Variants in PPIL2 observed in about 807,000 individuals in gnomAD.
PPIL2 encodes peptidylprolyl isomerase like 2.
A neutral mutation model predicts 75.2 loss-of-function variants in PPIL2; 50 were observed. That is an observed-to-expected ratio of 0.66 (90% CI 0.53 to 0.84). The LOEUF is 0.84. PPIL2 is among the 40% of genes least tolerant of loss of function. The probability of loss-of-function intolerance (pLI) is 0.00; values close to 1 mark genes in which losing one functional copy is unlikely to be tolerated. For missense variants in PPIL2, 590 were observed against 685.0 expected (o/e 0.86, Z 1.55); for synonymous variants, 245 against 258.8 (o/e 0.95, Z 0.51).
intron 15 of PPIL2, among the ~76,000 whole-genome samples, chr22:21,693,523 G>A (rs1033915104): frequency 6.6e-6 from 1 of 152,206 alleles, no homozygotes; most frequent in Non-Finnish European, 1.5e-5. Context: ...CTCCCACAGA[G>A]CTGCATGGCC....
chr22:21,681,356 C>T lies in PPIL2; in HGVS notation c.353C>T (p.Ala118Val). 6.2e-7 allele frequency: 1 copy of T among 1,614,166 alleles called. No individual in the cohort carries two copies. ...TTCACCAACAACACCCACATCGTGG[C>T]TGTGAGGACGACCGGCAACGTCTAC... ...TVFTNNTHIV[A>V]VRTTGNVYAY... is the part of the protein sequence containing the mutation. Residue 118 changes from alanine to valine, a missense_variant, in exon 7 of 20, where the codon GCT becomes GTT. Ala to Val is a moderately conservative substitution (Grantham distance 64). Coordinates refer to ENST00000398831, the MANE Select transcript of PPIL2 (RefSeq NM_014337.4).
At chr22:21,681,447 C>T in intron 7 of PPIL2, 57 bp downstream of exon 7, 2 of 1,470,458 alleles carry the variant, frequency 1.4e-6, no homozygotes, top group Non-Finnish European at 1.9e-6. Flanking sequence ...GCTGTGTGTT[C>T]CTAGTATACA....
chr22:21,696,409 T>C lies in PPIL2; in HGVS notation c.*919T>C. 2 of 1,172,066 alleles carry C rather than the reference T, an allele frequency of 1.7e-6. No individual in the cohort carries two copies. The highest frequency in any genetic ancestry group is 3.9e-4 in the Middle Eastern group (1 of 2,582). The allele number at this position is 1,172,066 out of a possible 1,614,324, so 72.6% of individuals were successfully genotyped here. A position where few individuals can be genotyped will look rare whatever the true frequency, so the allele number is the denominator to read the frequency against. On this transcript the variant is annotated 3_prime_UTR_variant, in exon 20 of 20. Transcript: ENST00000398831. The stretch of plus-strand genomic sequence containing the variant: ...CCTCCTGCTGAAGTGGCCTTGCTGC[T>C]CTCAGGCCCGGCCACTGGGCTCCAA...
chr22:21,669,971 T>C lies in PPIL2; in HGVS notation c.82+9T>C. 6.2e-7 allele frequency: 1 copy of C among 1,612,002 alleles called. No individual in the cohort carries two copies. The highest frequency in any genetic ancestry group is 8.5e-7 in the Non-Finnish European group (1 of 1,177,992). On this transcript the variant is annotated intron_variant, in intron 2 of 19. Coordinates refer to ENST00000398831, the MANE Select transcript of PPIL2 (RefSeq NM_014337.4). ...TGGTGGCAAGAAGCCAGGTAAGGCA[T>C]GCAGTCTTTCTGTTCCCCGTTGGGG...
chr22:21,670,083 G>T (rs2066573326), intron 2 of PPIL2, 121 bp downstream of exon 2: 1 of 1,076,022 alleles, frequency 9.3e-7, no homozygotes, highest in Middle Eastern at 2.0e-4. Flanking sequence ...AGACGAATGG[G>T]CTGAGGACAC....
chr22:21,674,891 C>T (rs909073920), intron 5 of PPIL2, among the ~76,000 whole-genome samples, 173 bp from the exon 6 acceptor site: 3 of 152,202 alleles, frequency 2.0e-5, no homozygotes, highest in Non-Finnish European at 4.4e-5. Flanking sequence ...AACTGCCCGA[C>T]GCCATCCTGC....
chr22:21,666,233 G>C, intron 1 of PPIL2, 102 bp downstream of exon 1: 1 of 1,367,016 alleles, frequency 7.3e-7, no homozygotes, highest in Non-Finnish European at 1.0e-6. Flanking sequence ...ACTCCCCAGA[G>C]CACAGCCCAA....
chr22:21,673,301 T>C (rs1235577444), intron 5 of PPIL2, among the ~76,000 whole-genome samples: 1 of 152,200 alleles, frequency 6.6e-6, no homozygotes, highest in Non-Finnish European at 1.5e-5. Flanking sequence ...TGGGAAGTCA[T>C]TCTCTGTTGC....
At chr22:21,685,667 G>A (rs376941808) in intron 10 of PPIL2, 3 of 451,640 alleles carry the variant, frequency 6.6e-6, no homozygotes, top group African/African-American at 4.0e-5. Context: ...AGCTGGTCTT[G>A]AATTCCTGGC....
intron 13 of PPIL2, 53 bp downstream of exon 13, chr22:21,687,785 G>A: frequency 6.5e-7 from 1 of 1,542,614 alleles, no homozygotes; most frequent in South Asian, 1.1e-5. Flanking sequence ...GACATCGGGG[G>A]CTGGGTGGGC....
In PPIL2 at chr22:21,682,515, A is replaced by G. The variant is rs775566161; in HGVS notation, c.466A>G (p.Ile156Val). ...CGAGCCCTTCTCCCGGCAGGACATC[A>G]TCACCCTCCAGGTGAGTGTCCCCTG... Reference protein sequence around the residue: ...TDEPFSRQDIITLQDPTNLDK... With the variant: ...TDEPFSRQDIVTLQDPTNLDK... The change falls in exon 8 of 20, where the codon ATC becomes GTC. Residue 156 changes from isoleucine (I) to valine (V), a missense_variant. Physicochemically the swap from Ile to Val is conservative, Grantham distance 29. Coordinates refer to ENST00000398831, the MANE Select transcript of PPIL2 (RefSeq NM_014337.4). The G allele has an allele frequency of 2.5e-6, 4 of 1,600,310 alleles. 1 individual carries two copies. The South Asian group carries it at 4.4e-5, about 18-fold the overall frequency.
At chr22:21,684,409 A>G (rs901296652) in intron 9 of PPIL2, among the ~76,000 whole-genome samples, 1 of 133,930 alleles carries the variant, frequency 7.5e-6, no homozygotes, top group Non-Finnish European at 1.5e-5. Context: ...CCGAGATTGC[A>G]CCACTGCACT....
chr22:21,673,796 C>G (rs2066727923), intron 5 of PPIL2, among the ~76,000 whole-genome samples: 2 of 152,200 alleles, frequency 1.3e-5, no homozygotes, highest in African/African-American at 4.8e-5. Context: ...GAGGAGAGTT[C>G]CTGGGCCAAG....
chr22:21,675,829 G>C (rs1359473813), intron 6 of PPIL2, among the ~76,000 whole-genome samples: 1 of 152,234 alleles, frequency 6.6e-6, no homozygotes, highest in Non-Finnish European at 1.5e-5. Context: ...TCTTGGGCTA[G>C]GCTTTTCTTT....
chr22:21,686,658 C>CAGGTGACAGTGGGAG, intron 11 of PPIL2, 100 bp downstream of exon 11: 1 of 1,242,038 alleles, frequency 8.1e-7, no homozygotes, highest in Non-Finnish European at 1.2e-6. Flanking sequence ...GTCAGGGGCT[C>CAGGTGACAGTGGGAG]CCACTGTCAC....
Position 21,696,556 on chromosome 22 carries a change from TTTTC to T in PPIL2, c.*1069_*1072del. 1 of 1,382,764 alleles carries T rather than the reference TTTTC, an allele frequency of 7.2e-7. No individual in the cohort carries two copies. Among genetic ancestry groups the T allele is most frequent in the Non-Finnish European group, 9.4e-7 (1 of 1,067,184 alleles). The allele number at this position is 1,382,764 out of a possible 1,614,324, so 85.7% of individuals were successfully genotyped here. A position where few individuals can be genotyped will look rare whatever the true frequency, so the allele number is the denominator to read the frequency against. On this transcript the variant is annotated 3_prime_UTR_variant, in exon 20 of 20. Coordinates refer to ENST00000398831, the MANE Select transcript of PPIL2 (RefSeq NM_014337.4). ...CTGTTAAATGTGCCCCTGGCTGGCT[TTTTC>T]TTCGTCTTCAGCCCAGGCCAGTGGT...
chr22:21,688,856 C>CA lies in PPIL2; in HGVS notation c.1139+8dup, dbSNP rs766882664. ...ACAGCAACAGGTCTCAATTGTGAGT[C>CA]AGCTGGGCTTGCTGGGGTGGCCTGG... is the stretch of plus-strand genomic sequence containing the variant. On this transcript the variant is annotated splice_region_variant and intron_variant, in intron 15 of 19. Transcript: ENST00000398831. The CA allele has an allele frequency of 4.3e-6, 7 of 1,613,316 alleles. No individual in the cohort carries two copies. The African/African-American group carries it at 9.3e-5, about 21-fold the overall frequency.
intron 12 of PPIL2, 90 bp from the exon 13 acceptor site, chr22:21,687,550 CAAA>C (rs36108489): frequency 0.019 from 5,796 of 301,106 alleles, no homozygotes; most frequent in South Asian, 0.028. Context: ...GACTCCACCT[CAAA>C]AAAAAAAAAA....
At position 21,696,286 on chromosome 22, in the gene PPIL2, T is replaced by C; in HGVS notation, c.*796T>C. 1 of 1,038,646 alleles carries C rather than the reference T, an allele frequency of 9.6e-7. No homozygotes were observed. The highest frequency in any genetic ancestry group is 1.2e-6 in the Non-Finnish European group (1 of 862,010). 64.3% of individuals were successfully genotyped at this position (1,038,646 alleles called of 1,614,324 possible). ...ACCTGGGCTTCATCTCAAGCCTGCCTGGCGTCTCTGTGCCCCTGTGAGAAT... is the reference window on the plus strand; with the variant it reads ...ACCTGGGCTTCATCTCAAGCCTGCCCGGCGTCTCTGTGCCCCTGTGAGAAT... On this transcript the variant is annotated 3_prime_UTR_variant, in exon 20 of 20. Transcript: ENST00000398831.
Sources: allele counts gnomAD v4.1 joint callset (sites outside exome capture counted in the v4.1 genomes callset), GRCh38; gene constraint gnomAD v4.1.1; transcripts MANE v1.5; gene names NCBI Gene and HGNC (gene_info 2026-07-23, HGNC 2026-07-21).